Variants in C2CD2 observed in about 807,000 individuals in gnomAD.
C2CD2 encodes C2 calcium dependent domain containing 2, also known as C2 domain-containing protein 2.
C2CD2 carries 43 observed loss-of-function variants against 74.3 expected under a neutral mutation model. That is an observed-to-expected ratio of 0.58 (90% CI 0.45 to 0.75). The LOEUF (loss-of-function observed/expected upper bound fraction) is 0.75, where lower values mean the gene tolerates loss of function less well. C2CD2 is among the 30% of genes least tolerant of loss of function. The pLI is 0.00. For missense variants in C2CD2, 801 were observed against 916.3 expected, an observed-to-expected ratio of 0.87 and a Z score of 1.63; for synonymous variants, 422 against 390.7, an observed-to-expected ratio of 1.08 and a Z score of -0.94.
intron 6 of C2CD2, 114 bp downstream of exon 6, chr21:41,914,484 G>A (rs1050958924): frequency 3.0e-5 from 24 of 809,952 alleles, no homozygotes; most frequent in Non-Finnish European, 3.7e-5. Flanking sequence ...CAGGGCTCCC[G>A]CTGCACCCCC....
At position 41,888,224 on chromosome 21, in the gene C2CD2, A is replaced by G. The variant is rs2064706208; in HGVS notation, c.*900T>C. On this transcript the variant is annotated 3_prime_UTR_variant, in exon 14 of 14. Coordinates refer to ENST00000380486, the MANE Select transcript of C2CD2 (RefSeq NM_015500.2). Reference sequence around the variant, plus strand: ...TTTGGCTACTGGCAGCACTTGGCAAAATCCATGTATGTGTTTGGTTACTGT... The same window carrying G: ...TTTGGCTACTGGCAGCACTTGGCAAGATCCATGTATGTGTTTGGTTACTGT... 6.6e-6 allele frequency: 1 copy of G among 152,598 alleles called. No homozygotes were observed. Among genetic ancestry groups the G allele is most frequent in the Admixed American group, 6.5e-5 (1 of 15,282 alleles). The allele number at this position is 152,598 out of a possible 1,614,324, so 9.5% of individuals were successfully genotyped here.
intron 6 of C2CD2, 49 bp from the exon 7 acceptor site, chr21:41,912,489 A>ATTT: frequency 3.6e-6 from 3 of 822,260 alleles, no homozygotes; most frequent in Non-Finnish European, 3.4e-6. Flanking sequence ...TTTATTATTT[A>ATTT]TTTATTTTTT....
At position 41,953,539 on chromosome 21, in the gene C2CD2, G is replaced by T; in HGVS notation, c.110C>A (p.Ala37Glu). ...ATVGLYLAQW[A>E]LARARPQPQR... ...GGGCTGGGGTCGCGCCCTGGCCAGC[G>T]CCCACTGCGCCAGGTACAGGCCTAC... is the stretch of plus-strand genomic sequence containing the variant. Residue 37 changes from alanine (A) to glutamate (E), a missense_variant, in exon 1 of 14, where the codon GCG becomes GAG. Ala to Glu is a moderately radical substitution (Grantham distance 107). Transcript: ENST00000380486. 6.8e-7 allele frequency: 1 copy of T among 1,477,816 alleles called. No individual in the cohort carries two copies. The highest frequency in any genetic ancestry group is 1.3e-5 in the South Asian group (1 of 76,394). The allele number at this position is 1,477,816 out of a possible 1,614,324, so 91.5% of individuals were successfully genotyped here.
At chr21:41,891,135 G>A (rs2064748257) in intron 13 of C2CD2, among the ~76,000 whole-genome samples, 1 of 113,276 alleles carries the variant, frequency 8.8e-6, no homozygotes, top group Admixed American at 7.9e-5. Context: ...TGAAAAAGGT[G>A]GGTAAGTAGT....
Position 41,893,726 on chromosome 21 carries a change from G to T in C2CD2, c.1871-4382C>A, listed in dbSNP as rs1478344403. 4.2e-5 allele frequency among the ~76,000 whole-genome samples: 6 copies of T among 141,510 alleles called. No homozygotes were observed. In the East Asian group the frequency reaches 1.3e-3, roughly 30 times the overall value. The allele number at this position is 141,510 out of a possible 152,430, so 92.8% of individuals were successfully genotyped here. On this transcript the variant is annotated intron_variant, in intron 13 of 13. Coordinates refer to ENST00000380486, the MANE Select transcript of C2CD2 (RefSeq NM_015500.2). Reference sequence around the variant, plus strand: ...TTTTTTTTTTTTTTTTTTTGAGACGGAGTCTCGCTCTGTCGCCCAGGCTGG... The same window carrying T: ...TTTTTTTTTTTTTTTTTTTGAGACGTAGTCTCGCTCTGTCGCCCAGGCTGG...
chr21:41,907,865 C>T (rs2064982757), intron 8 of C2CD2, 81 bp from the exon 9 acceptor site: 1 of 1,468,928 alleles, frequency 6.8e-7, no homozygotes, highest in South Asian at 1.1e-5. Context: ...ACACGCCCAG[C>T]AGCCGGAACA....
intron 5 of C2CD2, among the ~76,000 whole-genome samples, chr21:41,916,541 G>A (rs558701388): frequency 1.3e-4 from 20 of 152,026 alleles, no homozygotes; most frequent in Admixed American, 6.6e-4. Context: ...TGTACGTCAC[G>A]GGCTCTTTTA....
Position 41,899,288 on chromosome 21 carries a change from C to A in C2CD2, c.1635G>T (p.Glu545Asp), listed in dbSNP as rs145901377. Residue 545 changes from glutamate (E) to aspartate (D), a missense_variant, in exon 13 of 14, where the codon GAG becomes GAT. Physicochemically the swap from Glu to Asp is conservative, Grantham distance 45. Transcript: ENST00000380486. This position sits in a 1 kb window ranked among gnomAD's most constrained non-coding sequence, Gnocchi z 4.4. Reference protein sequence around the residue: ...YTASVDSTHQEDAPSHPERAA... With the variant: ...YTASVDSTHQDDAPSHPERAA... The stretch of plus-strand genomic sequence containing the variant: ...CCCTCTCCGGATGGGATGGGGCGTC[C>A]TCCTGGTGGGTGCTGTCCACAGAGG... 3 of 1,611,576 alleles carry A rather than the reference C, an allele frequency of 1.9e-6. No individual in the cohort carries two copies. Among genetic ancestry groups the A allele is most frequent in the Non-Finnish European group, 2.5e-6 (3 of 1,179,994 alleles).
chr21:41,953,486 C>G lies in C2CD2; in HGVS notation c.163G>C (p.Gly55Arg). 1 of 1,484,068 alleles carries G rather than the reference C, an allele frequency of 6.7e-7. No homozygotes were observed. The highest frequency in any genetic ancestry group is 1.3e-5 in the South Asian group (1 of 76,914). 91.9% of individuals were successfully genotyped at this position (1,484,068 alleles called of 1,614,324 possible). Residue 55 changes from glycine to arginine, a missense_variant, in exon 1 of 14, where the codon GGG (glycine) becomes CGG (arginine). Physicochemically the swap from Gly to Arg is moderately radical, Grantham distance 125. Transcript: ENST00000380486. ...AGCGCGTCGGACCCCGGGCGCGGCC[C>G]CTCTCCAGGCTCCACCGCCCGCCGC... ...PQRRAVEPGE[G>R]PRPGSDALLS...
At chr21:41,949,960 G>A (rs142436892) in intron 1 of C2CD2, among the ~76,000 whole-genome samples, 96 of 152,210 alleles carry the variant, frequency 6.3e-4, no homozygotes, top group African/African-American at 2.1e-3. Context: ...GACACAGGGC[G>A]GGCAACATCA....
intron 1 of C2CD2, among the ~76,000 whole-genome samples, chr21:41,950,704 C>T (rs1480379782): frequency 2.0e-5 from 3 of 152,204 alleles, no homozygotes; most frequent in South Asian, 2.1e-4. Flanking sequence ...CTCCAGTTCA[C>T]GGGCCTCAGT....
chr21:41,905,310 C>CTT (rs137969894), intron 11 of C2CD2, among the ~76,000 whole-genome samples: 3 of 125,342 alleles, frequency 2.4e-5, no homozygotes, highest in East Asian at 2.3e-4. Context: ...CAAATCAAAA[C>CTT]TTTTTTTTTT....
intron 7 of C2CD2, 133 bp downstream of exon 7, chr21:41,912,199 A>G (rs537286416): frequency 3.7e-4 from 218 of 589,032 alleles, no homozygotes; most frequent in African/African-American, 3.3e-3. Flanking sequence ...TAAGATGCTT[A>G]AGACATCATT....
At chr21:41,944,858 C>A (rs1180674610) in intron 1 of C2CD2, among the ~76,000 whole-genome samples, 1 of 152,164 alleles carries the variant, frequency 6.6e-6, no homozygotes, top group Non-Finnish European at 1.5e-5. Context: ...GTGACTAGCT[C>A]CACCAGATAT....
At chr21:41,904,235 C>A (rs1433493344) in intron 11 of C2CD2, among the ~76,000 whole-genome samples, 1 of 152,210 alleles carries the variant, frequency 6.6e-6, no homozygotes, top group African/African-American at 2.4e-5. Context: ...CCCACCAGCA[C>A]CATGACAGTT....
chr21:41,943,368 T>C (rs2065371395), intron 1 of C2CD2, among the ~76,000 whole-genome samples: 3 of 152,178 alleles, frequency 2.0e-5, no homozygotes, highest in Non-Finnish European at 4.4e-5. Context: ...GGCCAACGTT[T>C]TATGACGAAG....
chr21:41,935,556 C>G (rs1285911240), intron 2 of C2CD2, among the ~76,000 whole-genome samples: 1 of 152,108 alleles, frequency 6.6e-6, no homozygotes, highest in Non-Finnish European at 1.5e-5. Flanking sequence ...AAGCCTGACC[C>G]CCACAGCCAG....
At position 41,901,681 on chromosome 21, in the gene C2CD2, T is replaced by C; in HGVS notation, c.1501A>G (p.Lys501Glu). The C allele has an allele frequency of 6.2e-7, 1 of 1,614,090 alleles. No individual in the cohort carries two copies. Residue 501 changes from lysine (K) to glutamate (E), a missense_variant, in exon 12 of 14, where the codon AAG (lysine) becomes GAG (glutamate). Coordinates refer to ENST00000380486, the MANE Select transcript of C2CD2 (RefSeq NM_015500.2). ...VAIRQLSESS[K>E]LKLKSPRKKS... is the part of the protein sequence containing the mutation. ...TTCCGTGGCGACTTGAGTTTCAGCTTTGAAGATTCACTGAGCTGTCGAATG... is the reference window on the plus strand; with the variant it reads ...TTCCGTGGCGACTTGAGTTTCAGCTCTGAAGATTCACTGAGCTGTCGAATG...
Position 41,914,802 on chromosome 21 carries a change from T to C in C2CD2, c.721-81A>G, listed in dbSNP as rs181338587. 4.6e-4 allele frequency: 578 copies of C among 1,255,612 alleles called. 2 individuals carry two copies. In the African/African-American group the frequency reaches 7.5e-3, roughly 16 times the overall value. 77.8% of individuals were successfully genotyped at this position (1,255,612 alleles called of 1,614,324 possible). ...GGAAGTAGCCACTGGACTCCTGTTA[T>C]GGGGGGTGGTGGCAGTGGGGTGTCT... On this transcript the variant is annotated intron_variant, in intron 5 of 13. Coordinates refer to ENST00000380486, the MANE Select transcript of C2CD2 (RefSeq NM_015500.2).
Sources: allele counts gnomAD v4.1 joint callset (sites outside exome capture counted in the v4.1 genomes callset), GRCh38; gene constraint gnomAD v4.1.1; non-coding constraint Gnocchi (gnomAD v3.1); transcripts MANE v1.5; gene names NCBI Gene and HGNC (gene_info 2026-07-23, HGNC 2026-07-21).